Variants in DCDC2 observed in about 807,000 individuals in gnomAD.
DCDC2 encodes doublecortin domain containing 2, also known as doublecortin domain-containing protein 2.
A neutral mutation model predicts 50.2 loss-of-function variants in DCDC2; 40 were observed. The ratio of observed to expected loss-of-function variants is 0.80; its 90% CI spans 0.62 to 1.04. The LOEUF (loss-of-function observed/expected upper bound fraction) is 1.04, where lower values mean the gene tolerates loss of function less well. Among genes scored for constraint, DCDC2 ranks in the 50% least tolerant of loss-of-function variants. The probability of loss-of-function intolerance (pLI) is 0.00; values close to 1 mark genes in which losing one functional copy is unlikely to be tolerated. For missense variants in DCDC2, 570 were observed against 581.9 expected, an observed-to-expected ratio of 0.98 and a Z score of 0.21; for synonymous variants, 234 against 210.6, an observed-to-expected ratio of 1.11 and a Z score of -0.96.
rs754074170 is a variant in DCDC2 at position 24,357,739 on chromosome 6, G to A, written c.12C>T (p.Ser4=). 8 of 1,612,340 alleles carry A rather than the reference G, an allele frequency of 5.0e-6. No homozygotes were observed. Among genetic ancestry groups the A allele is most frequent in the East Asian group, 4.5e-5 (2 of 44,860 alleles). MSG[S]SARSSHLSQP... The stretch of plus-strand genomic sequence containing the variant: ...GAGACAGGTGGCTGGACCTGGCGCT[G>A]CTGCCGCTCATCTTCCCCGCTGGCC... Residue 4 remains serine, a synonymous_variant, in exon 1 of 10, where the codon AGC becomes AGT. Transcript: ENST00000378454.
chr6:24,356,010 G>A (rs1760461406), intron 1 of DCDC2, among the ~76,000 whole-genome samples: 1 of 152,040 alleles, frequency 6.6e-6, no homozygotes. Context: ...CAATTAAAAT[G>A]TTCTATTAAA....
chr6:24,336,916 C>T (rs889536610), intron 2 of DCDC2, among the ~76,000 whole-genome samples: 1 of 152,022 alleles, frequency 6.6e-6, no homozygotes, highest in African/African-American at 2.4e-5. Flanking sequence ...CTAATCCTCA[C>T]AATAATTTTT....
intron 1 of DCDC2, among the ~76,000 whole-genome samples, chr6:24,355,182 T>G: frequency 6.6e-6 from 1 of 152,166 alleles, no homozygotes; most frequent in East Asian, 1.9e-4. Context: ...TATAACAAAT[T>G]CAGTTTTTTG....
At position 24,279,952 on chromosome 6, in the gene DCDC2, G is replaced by C. The variant is rs77523544; in HGVS notation, c.760-1741C>G. Among the ~76,000 whole-genome samples the C allele has an allele frequency of 5.9e-3, 901 of 152,302 alleles. 4 individuals are homozygous for C. Among genetic ancestry groups the C allele is most frequent in the South Asian group, 0.012 (56 of 4,826 alleles). On this transcript the variant is annotated intron_variant, in intron 6 of 9. Coordinates refer to ENST00000378454, the MANE Select transcript of DCDC2 (RefSeq NM_016356.5). ...TTAGAATGCTGTCTTCAAGAGCAGA[G>C]AGTTAATATTTTTCTTAAAAATCAT...
chr6:24,190,914 G>A (rs1761299005), intron 8 of DCDC2, among the ~76,000 whole-genome samples: 1 of 152,166 alleles, frequency 6.6e-6, no homozygotes, highest in South Asian at 2.1e-4. Context: ...CCATTTATGG[G>A]CTAATTAGAA....
At chr6:24,329,502 G>A (rs9460992) in intron 2 of DCDC2, among the ~76,000 whole-genome samples, 47,012 of 151,922 alleles carry the variant, frequency 0.31, 8,874 homozygotes, top group African/African-American at 0.54. Context: ...ATAATGGTAC[G>A]GTAAGAAAGA....
chr6:24,380,730 G>C, the DCDC2 span, among the ~76,000 whole-genome samples: 1 of 152,216 alleles, frequency 6.6e-6, no homozygotes, highest in African/African-American at 2.4e-5. Flanking sequence ...ATTATGAGGA[G>C]TGAGGACCAA....
At chr6:24,306,861 TC>T (rs1282891273) in intron 2 of DCDC2, among the ~76,000 whole-genome samples, 1 of 152,130 alleles carries the variant, frequency 6.6e-6, no homozygotes, top group Non-Finnish European at 1.5e-5. Flanking sequence ...CACAGCTGGG[TC>T]AACATTCAAG....
intron 7 of DCDC2, among the ~76,000 whole-genome samples, chr6:24,266,633 C>A (rs898370094): frequency 2.0e-5 from 3 of 152,032 alleles, no homozygotes; most frequent in African/African-American, 7.2e-5. Context: ...TCATCTCAAC[C>A]CAGTTATTTT....
chr6:24,212,907 T>C (rs1424465667), intron 7 of DCDC2, among the ~76,000 whole-genome samples: 1 of 152,224 alleles, frequency 6.6e-6, no homozygotes, highest in Non-Finnish European at 1.5e-5. Flanking sequence ...CTGCTTCCCC[T>C]ACTGAAACAT....
At chr6:24,228,321 T>G (rs765411282) in intron 7 of DCDC2, among the ~76,000 whole-genome samples, 16 of 152,242 alleles carry the variant, frequency 1.1e-4, no homozygotes, top group Non-Finnish European at 2.4e-4. Flanking sequence ...ATGAAGGCAC[T>G]GTTTACAGCA....
chr6:24,315,860 T>G (rs1396680277), intron 2 of DCDC2, among the ~76,000 whole-genome samples: 1 of 152,012 alleles, frequency 6.6e-6, no homozygotes, highest in Non-Finnish European at 1.5e-5. Context: ...AAAGCAAGAA[T>G]GGAAGCAAGG....
At chr6:24,371,208 C>T in the DCDC2 span, among the ~76,000 whole-genome samples, 1 of 138,326 alleles carries the variant, frequency 7.2e-6, no homozygotes, top group Non-Finnish European at 1.5e-5. Context: ...ACCCAGGAGG[C>T]GGAGGTTGCA....
chr6:24,178,098 C>CT (rs1209460438), intron 9 of DCDC2, among the ~76,000 whole-genome samples: 3 of 152,110 alleles, frequency 2.0e-5, no homozygotes, highest in Non-Finnish European at 4.4e-5. Context: ...GGGTCAATGG[C>CT]TAAATGTATG....
intron 4 of DCDC2, among the ~76,000 whole-genome samples, chr6:24,291,797 T>C (rs1280594398): frequency 6.6e-6 from 1 of 152,316 alleles, no homozygotes; most frequent in East Asian, 1.9e-4. Flanking sequence ...GTTAATACTT[T>C]TAAATTTTAT....
At chr6:24,294,237 T>C (rs1001370077) in intron 4 of DCDC2, among the ~76,000 whole-genome samples, 2 of 152,038 alleles carry the variant, frequency 1.3e-5, no homozygotes, top group African/African-American at 2.4e-5. Context: ...CACACTCCTG[T>C]AGTTCCAGCT....
intron 8 of DCDC2, among the ~76,000 whole-genome samples, chr6:24,194,039 G>A (rs1561885143): frequency 6.6e-6 from 1 of 152,024 alleles, no homozygotes; most frequent in Non-Finnish European, 1.5e-5. Context: ...ATTAAACTAT[G>A]AGATGCCATC....
the DCDC2 span, among the ~76,000 whole-genome samples, chr6:24,370,634 T>C: frequency 6.6e-6 from 1 of 152,162 alleles, no homozygotes; most frequent in Non-Finnish European, 1.5e-5. Context: ...TGCTCGGGCC[T>C]GGGAGATCAA....
At chr6:24,304,942 A>G (rs1280355909) in intron 2 of DCDC2, among the ~76,000 whole-genome samples, 1 of 152,206 alleles carries the variant, frequency 6.6e-6, no homozygotes, top group Non-Finnish European at 1.5e-5. Flanking sequence ...GCAATGCACT[A>G]AGCACATACA....
Sources: gnomAD v4.1 joint callset for allele counts (sites outside exome capture counted in the v4.1 genomes callset) on GRCh38, gnomAD v4.1.1 for gene constraint, MANE v1.5 for transcripts, NCBI Gene and HGNC (gene_info 2026-07-23, HGNC 2026-07-21) for gene names.